Variants in PTPRD observed in about 807,000 individuals in gnomAD.
PTPRD encodes receptor-type tyrosine-protein phosphatase delta.
PTPRD carries 34 observed loss-of-function variants against 214.5 expected under a neutral mutation model. The observed-to-expected ratio is 0.16, with a 90% CI of 0.12 to 0.21. PTPRD has a LOEUF of 0.21. Ranked by LOEUF, PTPRD falls within the 10% of genes least tolerant of loss-of-function variation. PTPRD has a pLI of 1.00. For missense variants in PTPRD, 2,545 were observed against 2,398.7 expected (o/e 1.06, Z -1.27); for synonymous variants, 1,128 against 845.7 (o/e 1.33, Z -5.79).
At chr9:9,809,570 A>C (rs1305332135) in intron 5 of PTPRD, among the ~76,000 whole-genome samples, 1 of 152,130 alleles carries the variant, frequency 6.6e-6, no homozygotes, top group Non-Finnish European at 1.5e-5. Flanking sequence ...AGCAGGATCA[A>C]GTGATTTTAC....
At chr9:10,156,314 C>T (rs1293331789) in intron 3 of PTPRD, among the ~76,000 whole-genome samples, 1 of 152,030 alleles carries the variant, frequency 6.6e-6, no homozygotes, top group Non-Finnish European at 1.5e-5. Flanking sequence ...AGCTATGTGC[C>T]AGAGATTCTG....
chr9:8,359,917 A>G (rs547666431), intron 39 of PTPRD, among the ~76,000 whole-genome samples: 7 of 152,224 alleles, frequency 4.6e-5, no homozygotes, highest in African/African-American at 1.7e-4. Flanking sequence ...TAACCAATTT[A>G]ACTCAAGCTT....
chr9:10,159,751 G>C (rs1035526216), intron 3 of PTPRD, among the ~76,000 whole-genome samples: 4 of 151,928 alleles, frequency 2.6e-5, no homozygotes, highest in Non-Finnish European at 5.9e-5. Context: ...TAACAGAATG[G>C]ATCAAGCAGA....
chr9:9,478,789 T>A (rs1248760450), intron 8 of PTPRD, among the ~76,000 whole-genome samples: 1 of 152,236 alleles, frequency 6.6e-6, no homozygotes, highest in Non-Finnish European at 1.5e-5. Flanking sequence ...TCTTCTTTGT[T>A]AAAGATGCTG....
chr9:9,763,792 A>T (rs977175325), intron 6 of PTPRD, among the ~76,000 whole-genome samples: 7 of 152,106 alleles, frequency 4.6e-5, no homozygotes, highest in Admixed American at 4.6e-4. Context: ...AAAGTTTATT[A>T]ACCCCTAAGT....
chr9:9,931,735 G>T lies in PTPRD; in HGVS notation c.-368+6772C>A, dbSNP rs570269037. Among the ~76,000 whole-genome samples the T allele has an allele frequency of 2.9e-3, 434 of 151,924 alleles. 2 individuals are homozygous for T. The highest frequency in any genetic ancestry group is 9.9e-3 in the African/African-American group (408 of 41,416). On this transcript the variant is annotated intron_variant, in intron 5 of 45. Coordinates refer to ENST00000381196, the MANE Select transcript of PTPRD (RefSeq NM_002839.4). ...TGGGTGGAGTCCACCACAGCTCAAG[G>T]AGGCCTGCCTACCTCTGTAGGCTCC...
intron 8 of PTPRD, among the ~76,000 whole-genome samples, chr9:9,483,765 A>C (rs947848155): frequency 1.3e-5 from 2 of 151,908 alleles, no homozygotes; most frequent in Non-Finnish European, 2.9e-5. Context: ...AAACAAAGAA[A>C]GTAATGTCTT....
chr9:9,561,809 T>C (rs138257046), intron 8 of PTPRD, among the ~76,000 whole-genome samples: 341 of 152,330 alleles, frequency 2.2e-3, no homozygotes, highest in African/African-American at 7.6e-3. Flanking sequence ...CTACTGGTTG[T>C]ACCTTCTCTC....
intron 5 of PTPRD, among the ~76,000 whole-genome samples, chr9:9,843,731 C>A (rs1279987118): frequency 6.6e-6 from 1 of 151,546 alleles, no homozygotes; most frequent in Non-Finnish European, 1.5e-5. Context: ...TCAACATAAG[C>A]AAAAATATGT....
At chr9:9,200,962 G>A (rs757717258) in intron 9 of PTPRD, among the ~76,000 whole-genome samples, 3 of 152,136 alleles carry the variant, frequency 2.0e-5, no homozygotes, top group Non-Finnish European at 4.4e-5. Flanking sequence ...ATGAAGCACA[G>A]TGTATGCTGC....
At chr9:9,402,721 T>C (rs2071176610) in intron 8 of PTPRD, among the ~76,000 whole-genome samples, 2 of 95,846 alleles carry the variant, frequency 2.1e-5, no homozygotes, top group Admixed American at 2.5e-4. Context: ...TGAGCAAGTA[T>C]GTGAAAGACA....
intron 11 of PTPRD, among the ~76,000 whole-genome samples, chr9:8,771,170 G>C (rs1212745541): frequency 2.0e-5 from 2 of 100,740 alleles, no homozygotes; most frequent in African/African-American, 1.1e-4. Context: ...GACAGAGCAA[G>C]ATTCCGTCTC....
rs1002090115 is a variant in PTPRD at position 8,437,138 on chromosome 9, A to G, written c.3989-449T>C. The G allele has an allele frequency of 8.2e-6, 10 of 1,212,510 alleles. No individual in the cohort carries two copies. In the African/African-American group the frequency reaches 1.4e-4, roughly 17 times the overall value. The allele number at this position is 1,212,510 out of a possible 1,614,324, so 75.1% of individuals were successfully genotyped here. ...AGACACTGAGAAAGGCCTAAAAGGG[A>G]AAGAGTAGTAGCTTGATAGTAAACA... On this transcript the variant is annotated intron_variant, in intron 34 of 45. Coordinates refer to ENST00000381196, the MANE Select transcript of PTPRD (RefSeq NM_002839.4).
intron 3 of PTPRD, among the ~76,000 whole-genome samples, chr9:10,052,111 T>C (rs1308851675): frequency 6.6e-6 from 1 of 151,982 alleles, no homozygotes; most frequent in African/African-American, 2.4e-5. Flanking sequence ...TGCTCAGCTA[T>C]TTTTCTATTT....
At chr9:8,941,246 T>G (rs2099032160) in intron 11 of PTPRD, among the ~76,000 whole-genome samples, 1 of 152,200 alleles carries the variant, frequency 6.6e-6, no homozygotes, top group Non-Finnish European at 1.5e-5. Context: ...AGGAAGCATT[T>G]ACTAAAATGC....
At chr9:9,501,686 C>T (rs1363971864) in intron 8 of PTPRD, among the ~76,000 whole-genome samples, 1 of 151,722 alleles carries the variant, frequency 6.6e-6, no homozygotes, top group Non-Finnish European at 1.5e-5. Flanking sequence ...ATACACCTTA[C>T]AAAAGATTGA....
chr9:10,583,403 A>G (rs1173692196), intron 2 of PTPRD, among the ~76,000 whole-genome samples: 1 of 152,056 alleles, frequency 6.6e-6, no homozygotes, highest in Non-Finnish European at 1.5e-5. Context: ...CTAATGATTA[A>G]GCAAACTGAA....
intron 13 of PTPRD, among the ~76,000 whole-genome samples, chr9:8,635,782 A>C (rs1349540782): frequency 2.6e-5 from 4 of 152,248 alleles, no homozygotes; most frequent in Non-Finnish European, 1.5e-5. Flanking sequence ...AGCCCCTAAA[A>C]TTAAAGCTAT....
chr9:10,512,585 G>A (rs538707997), intron 2 of PTPRD, among the ~76,000 whole-genome samples: 5 of 152,164 alleles, frequency 3.3e-5, no homozygotes, highest in Admixed American at 1.3e-4. Flanking sequence ...AAAGTTGAAC[G>A]CACAAGTACC....
Sources: allele counts gnomAD v4.1 joint callset (sites outside exome capture counted in the v4.1 genomes callset), GRCh38; gene constraint gnomAD v4.1.1; transcripts MANE v1.5; gene names NCBI Gene and HGNC (gene_info 2026-07-23, HGNC 2026-07-21).